The following CALCOCO1 variants were observed in gnomAD, a reference collection of about 807,000 sequenced individuals.
The protein encoded by CALCOCO1 is calcium binding and coiled-coil domain 1.
Under a neutral mutation model 86.3 loss-of-function variants are expected in CALCOCO1, and 44 were observed. The observed-to-expected ratio is 0.51, with a 90% CI of 0.40 to 0.66. The LOEUF (loss-of-function observed/expected upper bound fraction) is 0.66, where lower values mean the gene tolerates loss of function less well. Among genes scored for constraint, CALCOCO1 ranks in the 30% least tolerant of loss-of-function variants. The pLI, the probability that CALCOCO1 is intolerant of heterozygous loss-of-function variation, is 0.00. For missense variants in CALCOCO1, 708 were observed against 851.1 expected, an observed-to-expected ratio of 0.83 and a Z score of 2.09; for synonymous variants, 297 against 327.6, an observed-to-expected ratio of 0.91 and a Z score of 1.01.
rs949320135 is a variant in CALCOCO1 at position 53,711,193 on chromosome 12, G to C, written c.*751C>G. On this transcript the variant is annotated 3_prime_UTR_variant, in exon 15 of 15. Coordinates refer to ENST00000550804, the MANE Select transcript of CALCOCO1 (RefSeq NM_020898.3). Reference sequence around the variant, plus strand: ...GGGGAAGCTTTTATTGCTGTGGGGGGACCTGGAGAGGGAGGGGGGCCTTGG... The same window carrying C: ...GGGGAAGCTTTTATTGCTGTGGGGGCACCTGGAGAGGGAGGGGGGCCTTGG... 33 of 398,310 alleles carry C rather than the reference G, an allele frequency of 8.3e-5. No homozygotes were observed. The highest frequency in any genetic ancestry group is 6.6e-4 in the African/African-American group (32 of 48,518). 24.7% of individuals were successfully genotyped at this position (398,310 alleles called of 1,614,324 possible).
chr12:53,711,271 A>G lies in CALCOCO1; in HGVS notation c.*673T>C, dbSNP rs1315356584. 1 of 398,818 alleles carries G rather than the reference A, an allele frequency of 2.5e-6. No homozygotes were observed. The highest frequency in any genetic ancestry group is 4.4e-6 in the Non-Finnish European group (1 of 226,028). 24.7% of individuals were successfully genotyped at this position (398,818 alleles called of 1,614,324 possible). A position where few individuals can be genotyped will look rare whatever the true frequency, so the allele number is the denominator to read the frequency against. ...CCCCCCATTCCTCACAGAAGGCACA[A>G]ATACATTATTTCTTTCCATGTGAGG... On this transcript the variant is annotated 3_prime_UTR_variant, in exon 15 of 15. Transcript: ENST00000550804.
chr12:53,714,061 T>C, intron 12 of CALCOCO1, 72 bp downstream of exon 12: 1 of 1,401,506 alleles, frequency 7.1e-7, no homozygotes, highest in African/African-American at 1.4e-5. Context: ...CCCAGCAAGG[T>C]TACATGGAGC....
rs772966574 is a variant in CALCOCO1, at chr12:53,723,743, G to A, written c.300C>T (p.Phe100=). 1 of 1,614,150 alleles carries A rather than the reference G, an allele frequency of 6.2e-7. No individual in the cohort carries two copies. Among genetic ancestry groups the A allele is most frequent in the Non-Finnish European group, 8.5e-7 (1 of 1,180,014 alleles). ...LPKPGAQLYQ[F]RYVNRQGQVC... ...CCTGGCCCTGGCGGTTCACATATCGGAACTGGTAGAGCTGAGCTCCTGGTT... is the reference window on the plus strand; with the variant it reads ...CCTGGCCCTGGCGGTTCACATATCGAAACTGGTAGAGCTGAGCTCCTGGTT... Residue 100 remains phenylalanine, a synonymous_variant, in exon 4 of 15, where the codon TTC becomes TTT. Transcript: ENST00000550804.
intron 10 of CALCOCO1, 118 bp from the exon 11 acceptor site, chr12:53,714,811 G>T (rs948578886): frequency 8.8e-6 from 6 of 681,166 alleles, no homozygotes; most frequent in Admixed American, 7.1e-5. Context: ...CTTCTTCCCT[G>T]CTCTGACACA....
intron 7 of CALCOCO1, among the ~76,000 whole-genome samples, chr12:53,718,570 C>A (rs1010726543): frequency 6.6e-6 from 1 of 152,138 alleles, no homozygotes; most frequent in Non-Finnish European, 1.5e-5. Context: ...GCTCTGTCAC[C>A]CAGGCTGAAG....
At position 53,726,508 on chromosome 12, in the gene CALCOCO1, T is replaced by C. The variant is rs114535247; in HGVS notation, c.-25+896A>G. On this transcript the variant is annotated intron_variant, in intron 1 of 14. Transcript: ENST00000550804. ...CACTCCTTTCCAGCCCACTAATCTA[T>C]TTCCTGTGTCACTCACAGCTGACAT... Among the ~76,000 whole-genome samples, 693 of 152,252 alleles carry C rather than the reference T, an allele frequency of 4.6e-3. 4 individuals carry two copies. Among genetic ancestry groups the C allele is most frequent in the African/African-American group, 0.016 (669 of 41,530 alleles).
At chr12:53,719,918 G>A (rs1379182123) in intron 6 of CALCOCO1, 89 bp from the exon 7 acceptor site, 1 of 808,232 alleles carries the variant, frequency 1.2e-6, no homozygotes, top group Non-Finnish European at 2.0e-6. Context: ...TGCTGCTGCT[G>A]CTCTAGGCCC....
chr12:53,722,328 T>C (rs1017881085), intron 4 of CALCOCO1, 145 bp from the exon 5 acceptor site: 2 of 852,450 alleles, frequency 2.3e-6, no homozygotes, highest in Admixed American at 4.5e-5. Context: ...ATGCTCAGTG[T>C]GCTACCGAAT....
At position 53,725,290 on chromosome 12, in the gene CALCOCO1, C is replaced by T. The variant is rs749844615; in HGVS notation, c.-24-24G>A. On this transcript the variant is annotated intron_variant, in intron 1 of 14. Transcript: ENST00000550804. ...TCCTATGAAAGAAAGGGTTGATAGCCTAAAGTCTTTCCAGTCCACCTCCTT... is the reference window on the plus strand; with the variant it reads ...TCCTATGAAAGAAAGGGTTGATAGCTTAAAGTCTTTCCAGTCCACCTCCTT... 3.3e-6 allele frequency: 5 copies of T among 1,501,676 alleles called. 1 individual carries two copies. In the Admixed American group the frequency reaches 1.1e-4, roughly 32 times the overall value. 93.0% of individuals were successfully genotyped at this position (1,501,676 alleles called of 1,614,324 possible). A position where few individuals can be genotyped will look rare whatever the true frequency, so the allele number is the denominator to read the frequency against.
chr12:53,714,447 G>A, intron 11 of CALCOCO1, 151 bp downstream of exon 11: 1 of 684,122 alleles, frequency 1.5e-6, no homozygotes, highest in Non-Finnish European at 2.5e-6. Context: ...ATCATCCGCT[G>A]TCCTGCCAAA....
intron 7 of CALCOCO1, among the ~76,000 whole-genome samples, chr12:53,716,884 C>T (rs896203191): frequency 1.3e-5 from 2 of 152,128 alleles, no homozygotes; most frequent in African/African-American, 4.8e-5. Context: ...CACAGAAAAA[C>T]CTATTGCTTC....
In CALCOCO1 at chr12:53,716,395, T is replaced by C. The variant is rs1945728744; in HGVS notation, c.870A>G (p.Gln290=). The change falls in exon 8 of 15, where the codon CAA becomes CAG. Residue 290 remains glutamine, a synonymous_variant. Transcript: ENST00000550804. ...CCAAATTTAAGTGATGGTTCTCCTG[T>C]TGTGCCACTTGGAGCTCAGCCTGAG... ...EQSEAELQVA[Q]QENHHLNLDL... The C allele has an allele frequency of 1.2e-6, 2 of 1,614,004 alleles. No homozygotes were observed. The highest frequency in any genetic ancestry group is 1.7e-6 in the Non-Finnish European group (2 of 1,180,042).
At chr12:53,724,342 T>G in intron 3 of CALCOCO1, 1 of 399,942 alleles carries the variant, frequency 2.5e-6, no homozygotes. Context: ...ACCCAGGTCT[T>G]TCCCTCTTCT....
chr12:53,716,447 G>A (rs372207409), intron 7 of CALCOCO1, 32 bp from the exon 8 acceptor site: 2 of 1,613,718 alleles, frequency 1.2e-6, no homozygotes, highest in Non-Finnish European at 1.7e-6. Flanking sequence ...TAAGGAAAGG[G>A]GTATGTGTGT....
In CALCOCO1 at chr12:53,713,945, G is replaced by A. The variant is rs116462701; in HGVS notation, c.1592-45C>T. 1.4e-3 allele frequency: 2,133 copies of A among 1,496,568 alleles called. 27 individuals carry two copies. The African/African-American group carries it at 0.027, about 19-fold the overall frequency. The allele number at this position is 1,496,568 out of a possible 1,614,324, so 92.7% of individuals were successfully genotyped here. On this transcript the variant is annotated intron_variant, in intron 12 of 14. Coordinates refer to ENST00000550804, the MANE Select transcript of CALCOCO1 (RefSeq NM_020898.3). The stretch of plus-strand genomic sequence containing the variant: ...CAGAGAAGAAAAAAGGATGTGTTGT[G>A]AGGAGTTGGACCAGCTGTCTCCTCT...
rs773817523 is a variant in CALCOCO1 at position 53,719,863 on chromosome 12, G to T, written c.759-34C>A. ...GGTGGGATGACATGTCAGACAATCTGCTCCACCCAGAGAAGGAATGGACTC... is the reference window on the plus strand; with the variant it reads ...GGTGGGATGACATGTCAGACAATCTTCTCCACCCAGAGAAGGAATGGACTC... On this transcript the variant is annotated intron_variant, in intron 6 of 14. Coordinates refer to ENST00000550804, the MANE Select transcript of CALCOCO1 (RefSeq NM_020898.3). 7 of 1,444,990 alleles carry T rather than the reference G, an allele frequency of 4.8e-6. No homozygotes were observed. The South Asian group carries it at 8.0e-5, about 17-fold the overall frequency. The allele number at this position is 1,444,990 out of a possible 1,614,324, so 89.5% of individuals were successfully genotyped here.
intron 8 of CALCOCO1, 72 bp downstream of exon 8, chr12:53,716,188 T>C: frequency 6.3e-7 from 1 of 1,595,900 alleles, no homozygotes; most frequent in South Asian, 1.1e-5. Context: ...CCCCTTCTCT[T>C]TAGACACGCA....
At position 53,724,360 on chromosome 12, in the gene CALCOCO1, T is replaced by G. The variant is rs143063562; in HGVS notation, c.259+285A>C. ...CAGGTCTTTCCCTCTTCTCACCACA[T>G]AATTCTACCTTTCCCTCTTCCTTAC... On this transcript the variant is annotated intron_variant, in intron 3 of 14. Coordinates refer to ENST00000550804, the MANE Select transcript of CALCOCO1 (RefSeq NM_020898.3). The G allele has an allele frequency of 2.0e-4, 87 of 426,374 alleles. 1 individual carries two copies. The East Asian group carries it at 3.6e-3, about 18-fold the overall frequency. The allele number at this position is 426,374 out of a possible 1,614,324, so 26.4% of individuals were successfully genotyped here.
intron 8 of CALCOCO1, 94 bp from the exon 9 acceptor site, chr12:53,716,141 C>T (rs1945719170): frequency 6.3e-7 from 1 of 1,584,210 alleles, no homozygotes; most frequent in Non-Finnish European, 8.6e-7. Context: ...TGCATTAGGA[C>T]TCGGGGTTGT....
Sources: allele counts gnomAD v4.1 joint callset (sites outside exome capture counted in the v4.1 genomes callset), GRCh38; gene constraint gnomAD v4.1.1; transcripts MANE v1.5; gene names NCBI Gene and HGNC (gene_info 2026-07-23, HGNC 2026-07-21).